CDIN1: variants seen among roughly 807,000 people sequenced by gnomAD.
The protein encoded by CDIN1 is CDAN1-interacting nuclease 1.
In CDIN1, 33 loss-of-function variants were observed where a neutral mutation model predicts 45.3. The ratio of observed to expected loss-of-function variants is 0.73; its 90% CI spans 0.55 to 0.97. The LOEUF is 0.97. Among genes scored for constraint, CDIN1 ranks in the 50% least tolerant of loss-of-function variants. CDIN1 has a pLI of 0.00. For missense variants in CDIN1, 303 were observed against 339.4 expected (o/e 0.89, Z 0.84); for synonymous variants, 118 against 124.4 (o/e 0.95, Z 0.34).
intron 10 of CDIN1, among the ~76,000 whole-genome samples, chr15:36,718,060 T>C (rs1440705285): frequency 6.6e-6 from 1 of 152,122 alleles, no homozygotes; most frequent in Non-Finnish European, 1.5e-5. Context: ...TTTTATTTTA[T>C]ATTTTAGTAT....
At chr15:36,680,736 AT>A (rs1306295347) in intron 5 of CDIN1, among the ~76,000 whole-genome samples, 2 of 152,178 alleles carry the variant, frequency 1.3e-5, no homozygotes, top group Non-Finnish European at 2.9e-5. Flanking sequence ...CTTGGAGAAA[AT>A]GGCAAGGAAG....
intron 10 of CDIN1, among the ~76,000 whole-genome samples, chr15:36,783,448 T>C (rs2054404142): frequency 6.6e-6 from 1 of 151,754 alleles, no homozygotes; most frequent in African/African-American, 2.4e-5. Context: ...TAAATTCATA[T>C]ATGCCCAATA....
intron 5 of CDIN1, among the ~76,000 whole-genome samples, chr15:36,684,586 G>T (rs1274623682): frequency 6.6e-6 from 1 of 152,088 alleles, no homozygotes; most frequent in African/African-American, 2.4e-5. Flanking sequence ...GAATGATGCT[G>T]GCCTCATAAA....
intron 10 of CDIN1, among the ~76,000 whole-genome samples, chr15:36,791,834 C>G (rs575655943): frequency 6.6e-6 from 1 of 152,134 alleles, no homozygotes; most frequent in Admixed American, 6.5e-5. Flanking sequence ...TTTTACTAGG[C>G]TGACAGGGAC....
intron 5 of CDIN1, among the ~76,000 whole-genome samples, chr15:36,664,125 G>A (rs1407303330): frequency 6.6e-6 from 1 of 152,140 alleles, no homozygotes; most frequent in Non-Finnish European, 1.5e-5. Context: ...TTAAAAGTTG[G>A]GTATCTCATG....
intron 10 of CDIN1, among the ~76,000 whole-genome samples, chr15:36,786,689 C>A (rs1474733392): frequency 1.3e-5 from 2 of 152,150 alleles, no homozygotes; most frequent in Non-Finnish European, 2.9e-5. Flanking sequence ...CTGTTCTTTT[C>A]TTCATGATCA....
At chr15:36,627,377 A>T (rs2039480561) in intron 1 of CDIN1, 1 of 158,058 alleles carries the variant, frequency 6.3e-6, no homozygotes, top group Non-Finnish European at 1.4e-5. Context: ...GTTGGAGAGC[A>T]CATGGGCTGG....
At chr15:36,745,937 G>C (rs948030578) in intron 10 of CDIN1, among the ~76,000 whole-genome samples, 3 of 152,108 alleles carry the variant, frequency 2.0e-5, no homozygotes, top group Non-Finnish European at 4.4e-5. Context: ...TTGCACTCCA[G>C]CCTGGGCGAC....
intron 5 of CDIN1, among the ~76,000 whole-genome samples, chr15:36,686,168 C>T (rs1013668792): frequency 5.3e-5 from 8 of 152,026 alleles, no homozygotes; most frequent in Admixed American, 5.2e-4. Flanking sequence ...GCCAAATGTC[C>T]AACAATGATA....
intron 7 of CDIN1, among the ~76,000 whole-genome samples, chr15:36,695,771 C>T (rs2042401468): frequency 6.6e-6 from 1 of 151,688 alleles, no homozygotes; most frequent in Admixed American, 6.6e-5. Context: ...TGCTTGAACC[C>T]AGGAGACAGA....
chr15:36,706,300 G>A (rs1297085774), intron 8 of CDIN1: 1 of 152,082 alleles, frequency 6.6e-6, no homozygotes, highest in Non-Finnish European at 1.5e-5. Flanking sequence ...GTTAAGGAGT[G>A]GATAGGTCCA....
intron 1 of CDIN1, among the ~76,000 whole-genome samples, chr15:36,629,922 A>G (rs535945288): frequency 6.6e-6 from 1 of 152,268 alleles, no homozygotes; most frequent in Admixed American, 6.5e-5. Flanking sequence ...ATATATATGT[A>G]TATTATTTTT....
chr15:36,633,077 ACTC>A (rs1475810746), intron 1 of CDIN1, among the ~76,000 whole-genome samples: 7 of 152,030 alleles, frequency 4.6e-5, no homozygotes, highest in African/African-American at 9.7e-5. Flanking sequence ...AATTTATCCA[ACTC>A]CTCCTCAATT....
intron 5 of CDIN1, among the ~76,000 whole-genome samples, chr15:36,670,459 A>G (rs2041410212): frequency 6.6e-6 from 1 of 152,182 alleles, no homozygotes; most frequent in Admixed American, 6.5e-5. Flanking sequence ...ATTTATTAAC[A>G]GACACCTTTG....
chr15:36,617,968 C>CA, intron 1 of CDIN1: 1 of 766,998 alleles, frequency 1.3e-6, no homozygotes, highest in Non-Finnish European at 2.4e-6. Flanking sequence ...ATAGTCAGCC[C>CA]ATTCAGACTC....
intron 10 of CDIN1, among the ~76,000 whole-genome samples, chr15:36,796,670 C>T (rs2141107237): frequency 1.3e-5 from 2 of 152,294 alleles, no homozygotes; most frequent in South Asian, 4.1e-4. Flanking sequence ...GCTTGAAATC[C>T]CCATGAGATG....
At chr15:36,582,881 T>C (rs942435176) in intron 1 of CDIN1, among the ~76,000 whole-genome samples, 6 of 152,248 alleles carry the variant, frequency 3.9e-5, no homozygotes, top group African/African-American at 1.4e-4. Context: ...ATCTTGTAGT[T>C]AGCATTTTAA....
chr15:36,599,415 G>A (rs16963651), intron 1 of CDIN1, among the ~76,000 whole-genome samples: 4,480 of 152,244 alleles, frequency 0.029, 207 homozygotes, highest in African/African-American at 0.1. Flanking sequence ...GTAGCTGTAA[G>A]GGTAATCAAA....
intron 5 of CDIN1, among the ~76,000 whole-genome samples, chr15:36,683,057 A>G (rs533156498): frequency 1.8e-4 from 27 of 152,338 alleles, no homozygotes; most frequent in African/African-American, 5.3e-4. Flanking sequence ...ATGTATTTCA[A>G]TTTATTTATA....
Sources: allele counts gnomAD v4.1 joint callset (sites outside exome capture counted in the v4.1 genomes callset), GRCh38; gene constraint gnomAD v4.1.1; transcripts MANE v1.5; gene names NCBI Gene and HGNC (gene_info 2026-07-23, HGNC 2026-07-21).